Variants in KMT2B observed in about 807,000 individuals in gnomAD.
KMT2B encodes histone-lysine N-methyltransferase 2B.
A neutral mutation model predicts 255.3 loss-of-function variants in KMT2B; 22 were observed. That is an observed-to-expected ratio of 0.09 (90% CI 0.06 to 0.12). The LOEUF (loss-of-function observed/expected upper bound fraction) is 0.12, where lower values mean the gene tolerates loss of function less well. Among genes scored for constraint, KMT2B ranks in the 10% least tolerant of loss-of-function variants. The probability of loss-of-function intolerance (pLI) is 1.00; values close to 1 mark genes in which losing one functional copy is unlikely to be tolerated. For missense variants in KMT2B, 3,149 were observed against 3,737.0 expected (o/e 0.84, Z 4.10); for synonymous variants, 1,730 against 1,498.1 (o/e 1.15, Z -3.57).
At position 35,733,404 on chromosome 19, in the gene KMT2B, C is replaced by T. The variant is rs527742516; in HGVS notation, c.6855C>T (p.Ser2285=). Residue 2285 remains serine (S), a synonymous_variant, in exon 28 of 37, where the codon TCC becomes TCT. Transcript: ENST00000420124. The surrounding 1 kb of genome is among the most constrained non-coding windows in gnomAD (Gnocchi z 4.3). ...GCGTCAAGAGGGTGTCCACTTTCTC[C>T]GGCCGGTCCCCGCCAGCACCTCCCC... is the stretch of plus-strand genomic sequence containing the variant. The part of the protein sequence containing the change: ...AIRVKRVSTF[S]GRSPPAPPPY... The T allele has an allele frequency of 2.8e-5, 43 of 1,550,784 alleles. No homozygotes were observed. In the Admixed American group the frequency reaches 3.3e-4, roughly 12 times the overall value.
rs754415548 is a variant in KMT2B, at chr19:35,733,086, T to G, written c.6537T>G (p.Pro2179=). 3 of 1,566,132 alleles carry G rather than the reference T, an allele frequency of 1.9e-6. No individual in the cohort carries two copies. Among genetic ancestry groups the G allele is most frequent in the Non-Finnish European group, 2.6e-6 (3 of 1,155,432 alleles). The change falls in exon 28 of 37, where the codon CCT becomes CCG. Residue 2179 remains proline (P), a synonymous_variant. Coordinates refer to ENST00000420124, the MANE Select transcript of KMT2B (RefSeq NM_014727.3). The surrounding 1 kb of genome is among the most constrained non-coding windows in gnomAD (Gnocchi z 4.3). ...APGVRVLSLG[P]APEPPKPATS... ...GGGTCCGGGTGTTAAGCCTTGGCCC[T>G]GCCCCTGAGCCCCCCAAACCCGCCA... is the stretch of plus-strand genomic sequence containing the variant.
intron 30 of KMT2B, chr19:35,736,401 G>C: frequency 2.5e-6 from 1 of 407,994 alleles, no homozygotes; most frequent in Non-Finnish European, 4.5e-6. Context: ...CACTGGGTTT[G>C]AGTGAGCCAT....
Position 35,728,116 on chromosome 19 carries a change from G to A in KMT2B, c.4516G>A (p.Gly1506Ser), listed in dbSNP as rs754041894. 2.1e-5 allele frequency: 34 copies of A among 1,599,170 alleles called. No homozygotes were observed. The highest frequency in any genetic ancestry group is 5.1e-5 in the Admixed American group (3 of 58,286). ...TCCCCAGCTGCTAGAATCTGCGTTCGGCTGGTTCGACGCCCACGACCCCAA... is the reference window on the plus strand; with the variant it reads ...TCCCCAGCTGCTAGAATCTGCGTTCAGCTGGTTCGACGCCCACGACCCCAA... ...LLLKLLESAF[G>S]WFDAHDPKYW... The change falls in exon 19 of 37, where the codon GGC becomes AGC. Residue 1506 changes from glycine to serine, a missense_variant. This residue lies in a region of KMT2B where 377 missense variants were observed against 471.0 expected (regional missense o/e 0.80). Coordinates refer to ENST00000420124, the MANE Select transcript of KMT2B (RefSeq NM_014727.3).
Position 35,723,876 on chromosome 19 carries a change from A to T in KMT2B, c.3203A>T (p.Asp1068Val). The T allele has an allele frequency of 6.2e-7, 1 of 1,609,464 alleles. No homozygotes were observed. The highest frequency in any genetic ancestry group is 8.5e-7 in the Non-Finnish European group (1 of 1,178,498). The change falls in exon 8 of 37, where the codon GAC becomes GTC. Residue 1068 changes from aspartate to valine, a missense_variant. By Grantham distance (152) the Asp-to-Val change is radical (BLOSUM62 -3). Transcript: ENST00000420124. The surrounding 1 kb of genome is among the most constrained non-coding windows in gnomAD (Gnocchi z 7.5). ...GCCCACCCAGGGCCCGAGGAGCAGG[A>T]CTCCCTCCTGCAGCGCAAGTCAGCT... ...VVAHPGPEEQ[D>V]SLLQRKSARR...
At position 35,730,445 on chromosome 19, in the gene KMT2B, C is replaced by A; in HGVS notation, c.5180C>A (p.Ala1727Asp). The change falls in exon 24 of 37, where the codon GCC (alanine) becomes GAC (aspartate). Residue 1727 changes from alanine to aspartate, a missense_variant. Around this residue, in one of 18 missense-constraint regions of KMT2B, gnomAD observed 58 missense variants for 96.9 expected, o/e 0.60. Transcript: ENST00000420124. ...TTCTTGACGGGGCTTGAACCCGATG[C>A]CATCAACGTGCTCATTGGTAAGCTG... is the stretch of plus-strand genomic sequence containing the variant. ...RKFLTGLEPDAINVLIGSIRI... is the reference protein window; with the variant it reads ...RKFLTGLEPDDINVLIGSIRI... 4 of 1,613,822 alleles carry A rather than the reference C, an allele frequency of 2.5e-6. No individual in the cohort carries two copies. Among genetic ancestry groups the A allele is most frequent in the Non-Finnish European group, 3.4e-6 (4 of 1,179,712 alleles).
In KMT2B at chr19:35,733,153, G is replaced by A. The variant is rs768396364; in HGVS notation, c.6604G>A (p.Val2202Met). The A allele has an allele frequency of 2.5e-6, 4 of 1,581,028 alleles. No homozygotes were observed. The Admixed American group carries it at 7.1e-5, about 28-fold the overall frequency. ...TGTCAACAAGCTGGGGCAAGTATTT[G>A]TGAAGATGGCTGGGGAGGGTGAACC... is the stretch of plus-strand genomic sequence containing the variant. ...ILVNKLGQVFVKMAGEGEPVP... is the reference protein window; with the variant it reads ...ILVNKLGQVFMKMAGEGEPVP... The change falls in exon 28 of 37, where the codon GTG becomes ATG. Residue 2202 changes from valine (V) to methionine (M), a missense_variant. By Grantham distance (21) the Val-to-Met change is conservative (BLOSUM62 1). This residue lies in a region of KMT2B where 897 missense variants were observed against 825.3 expected (regional missense o/e 1.09). Coordinates refer to ENST00000420124, the MANE Select transcript of KMT2B (RefSeq NM_014727.3). The surrounding 1 kb of genome is among the most constrained non-coding windows in gnomAD (Gnocchi z 4.3).
In KMT2B at chr19:35,733,222, TC is replaced by T; in HGVS notation, c.6678del (p.Thr2227ArgfsTer34). 1 of 1,407,846 alleles carries T rather than the reference TC, an allele frequency of 7.1e-7. No individual in the cohort carries two copies. Among genetic ancestry groups the T allele is most frequent in the Non-Finnish European group, 9.6e-7 (1 of 1,040,356 alleles). The allele number at this position is 1,407,846 out of a possible 1,614,324, so 87.2% of individuals were successfully genotyped here. A position where few individuals can be genotyped will look rare whatever the true frequency, so the allele number is the denominator to read the frequency against. On this transcript the variant is annotated frameshift_variant, in exon 28 of 37. Transcript: ENST00000420124. LOFTEE classifies it high-confidence loss of function. This position sits in a 1 kb window ranked among gnomAD's most constrained non-coding sequence, Gnocchi z 4.3. ...VKQPPLPPTISPTAPTSWTLP... is the reference protein window; with the variant it reads ...VKQPPLPPTIXPTAPTSWTLP... ...GCAGCCACCTTTGCCCCCCACCATT[TC>T]CCCCACGGCTCCCACCTCCTGGACT... is the stretch of plus-strand genomic sequence containing the variant.
At position 35,725,111 on chromosome 19, in the gene KMT2B, C is replaced by T. The variant is rs377274035; in HGVS notation, c.3528+24C>T. On this transcript the variant is annotated intron_variant, in intron 10 of 36. Coordinates refer to ENST00000420124, the MANE Select transcript of KMT2B (RefSeq NM_014727.3). This position sits in a 1 kb window ranked among gnomAD's most constrained non-coding sequence, Gnocchi z 4.1. ...AGGTATGGCATTGAGTGGGGCGAGT[C>T]ACAGAGCCTCTGGTTGGAAGAACCT... 1.4e-5 allele frequency: 22 copies of T among 1,593,728 alleles called. No individual in the cohort carries two copies. The highest frequency in any genetic ancestry group is 1.7e-5 in the Non-Finnish European group (20 of 1,161,650).
At position 35,725,839 on chromosome 19, in the gene KMT2B, A is replaced by G. The variant is rs774259048; in HGVS notation, c.3885+21A>G. 1.7e-5 allele frequency: 27 copies of G among 1,549,224 alleles called. No individual in the cohort carries two copies. Among genetic ancestry groups the G allele is most frequent in the Non-Finnish European group, 8.7e-6 (10 of 1,143,754 alleles). On this transcript the variant is annotated intron_variant, in intron 13 of 36. Transcript: ENST00000420124. The surrounding 1 kb of genome is among the most constrained non-coding windows in gnomAD (Gnocchi z 4.1). ...ACTGGGTGAGAGATGAGGTTCACCCACTTGCTTTGTCTCTAATGAATATCA... is the reference window on the plus strand; with the variant it reads ...ACTGGGTGAGAGATGAGGTTCACCCGCTTGCTTTGTCTCTAATGAATATCA...
rs922037567 is a variant in KMT2B, at chr19:35,719,322, C to T, written c.364-147C>T. On this transcript the variant is annotated intron_variant, in intron 1 of 36. Transcript: ENST00000420124. ...TAGGGAGAGACCCTCTCTTCCACTA[C>T]CCGCGACCTTTGAGTCTTTTTCGTT... The T allele has an allele frequency of 4.7e-6, 3 of 640,618 alleles. No individual in the cohort carries two copies. In the Admixed American group the frequency reaches 9.0e-5, roughly 19 times the overall value. 39.7% of individuals were successfully genotyped at this position (640,618 alleles called of 1,614,324 possible).
In KMT2B at chr19:35,726,224, C is replaced by T. The variant is rs532589433; in HGVS notation, c.3886-12C>T. On this transcript the variant is annotated splice_polypyrimidine_tract_variant and intron_variant, in intron 13 of 36. Coordinates refer to ENST00000420124, the MANE Select transcript of KMT2B (RefSeq NM_014727.3). ...TGCCTGGTTTTCCCCTAACATCGCC[C>T]TGCTCCCCCAGATCTGTTCAGCCTG... The T allele has an allele frequency of 5.0e-6, 8 of 1,607,872 alleles. No individual in the cohort carries two copies. In the South Asian group the frequency reaches 6.6e-5, roughly 13 times the overall value.
rs1318656526 is a variant in KMT2B, at chr19:35,733,734, TC to T, written c.7050-25del. On this transcript the variant is annotated intron_variant, in intron 29 of 36. Coordinates refer to ENST00000420124, the MANE Select transcript of KMT2B (RefSeq NM_014727.3). This position sits in a 1 kb window ranked among gnomAD's most constrained non-coding sequence, Gnocchi z 4.3. ...CTGGAGGGTCTGGGACCTCTGTCCT[TC>T]CCCTTCCTGACAGGTCTCTTCTCGC... The T allele has an allele frequency of 6.2e-7, 1 of 1,609,908 alleles. No individual in the cohort carries two copies. Among genetic ancestry groups the T allele is most frequent in the Non-Finnish European group, 8.5e-7 (1 of 1,177,414 alleles).
chr19:35,723,069 G>C lies in KMT2B; in HGVS notation c.2797G>C (p.Gly933Arg). The C allele has an allele frequency of 6.2e-7, 1 of 1,613,062 alleles. No homozygotes were observed. The highest frequency in any genetic ancestry group is 8.5e-7 in the Non-Finnish European group (1 of 1,179,766). Residue 933 changes from glycine to arginine, a missense_variant, in exon 6 of 37, where the codon GGG becomes CGG. Gly to Arg is a moderately radical substitution (Grantham distance 125, BLOSUM62 -2). Around this residue, in one of 18 missense-constraint regions of KMT2B, gnomAD observed 132 missense variants for 174.7 expected, o/e 0.76. Coordinates refer to ENST00000420124, the MANE Select transcript of KMT2B (RefSeq NM_014727.3). The surrounding 1 kb of genome is among the most constrained non-coding windows in gnomAD (Gnocchi z 7.5). ...RRGKVEAAGP[G>R]GESEPTGSGG... Reference sequence around the variant, plus strand: ...GGGAAAGGTGGAGGCAGCAGGCCCTGGGGGAGAATCAGAGCCCACAGGTTC... The same window carrying C: ...GGGAAAGGTGGAGGCAGCAGGCCCTCGGGGAGAATCAGAGCCCACAGGTTC...
At chr19:35,734,242 G>A (rs1370497524) in intron 30 of KMT2B, among the ~76,000 whole-genome samples, 1 of 152,084 alleles carries the variant, frequency 6.6e-6, no homozygotes, top group African/African-American at 2.4e-5. Context: ...TGAGGGTCAG[G>A]GACAGTGGGA....
At position 35,720,013 on chromosome 19, in the gene KMT2B, GCCC is replaced by G. The variant is rs1388032915; in HGVS notation, c.669_671del (p.Pro224del). The G allele has an allele frequency of 1.2e-6, 2 of 1,612,684 alleles. No individual in the cohort carries two copies. Among genetic ancestry groups the G allele is most frequent in the South Asian group, 2.2e-5 (2 of 90,966 alleles). Reference sequence around the variant, plus strand: ...CCACCCCCCGGCGGTCTCGGGGACGGCCCCCAGGACGGCCAGCAGGCCCCTGCA... The same window carrying G: ...CCACCCCCCGGCGGTCTCGGGGACGGCCAGGACGGCCAGCAGGCCCCTGCA... On this transcript the variant is annotated inframe_deletion, in exon 3 of 37. Coordinates refer to ENST00000420124, the MANE Select transcript of KMT2B (RefSeq NM_014727.3).
Position 35,721,719 on chromosome 19 carries a change from A to T in KMT2B, c.2372A>T (p.Lys791Met). 4 of 1,610,692 alleles carry T rather than the reference A, an allele frequency of 2.5e-6. No homozygotes were observed. Among genetic ancestry groups the T allele is most frequent in the South Asian group, 2.2e-5 (2 of 90,606 alleles). Reference sequence around the variant, plus strand: ...TTGCCGCTGTCTGGGGTAGAGGAGAAGATGTTCAGCCTCCTCAAGAGAGCC... The same window carrying T: ...TTGCCGCTGTCTGGGGTAGAGGAGATGATGTTCAGCCTCCTCAAGAGAGCC... ...GSLPLSGVEE[K>M]MFSLLKRAKV... The change falls in exon 3 of 37, where the codon AAG becomes ATG. Residue 791 changes from lysine (K) to methionine (M), a missense_variant. Lys to Met is a moderately conservative substitution (Grantham distance 95). Coordinates refer to ENST00000420124, the MANE Select transcript of KMT2B (RefSeq NM_014727.3).
Position 35,733,450 on chromosome 19 carries a change from G to C in KMT2B, c.6901G>C (p.Asp2301His), listed in dbSNP as rs758151170. The C allele has an allele frequency of 2.6e-5, 40 of 1,560,110 alleles. No individual in the cohort carries two copies. Among genetic ancestry groups the C allele is most frequent in the Non-Finnish European group, 3.5e-5 (40 of 1,152,426 alleles). Residue 2301 changes from aspartate (D) to histidine (H), a missense_variant, in exon 28 of 37, where the codon GAT becomes CAT. Physicochemically the swap from Asp to His is moderately conservative, Grantham distance 81 (BLOSUM62 -1). This residue lies in a region of KMT2B where 897 missense variants were observed against 825.3 expected (regional missense o/e 1.09). Transcript: ENST00000420124. This position sits in a 1 kb window ranked among gnomAD's most constrained non-coding sequence, Gnocchi z 4.3. ...TCCCCCATACAAAGCCCCCCGGCTG[G>C]ATGAAGATGGAGAGGCCTCAGAGGA... ...APPPYKAPRL[D>H]EDGEASEDTP...
chr19:35,722,419 G>A lies in KMT2B; in HGVS notation c.2518G>A (p.Gly840Ser). Reference protein sequence around the residue: ...AGAVKQISDRGPVRSEDESVE... With the variant: ...AGAVKQISDRSPVRSEDESVE... ...GGCTGTCAAGCAGATCTCCGACAGA[G>A]GCCCTGTCCGGTCTGAAGATGAGTC... The change falls in exon 4 of 37, where the codon GGC (glycine) becomes AGC (serine). Residue 840 changes from glycine to serine, a missense_variant. Coordinates refer to ENST00000420124, the MANE Select transcript of KMT2B (RefSeq NM_014727.3). 2 of 1,610,826 alleles carry A rather than the reference G, an allele frequency of 1.2e-6. No homozygotes were observed. Among genetic ancestry groups the A allele is most frequent in the South Asian group, 2.2e-5 (2 of 91,054 alleles).
intron 18 of KMT2B, 42 bp from the exon 19 acceptor site, chr19:35,728,056 T>G (rs748673236): frequency 1.3e-6 from 2 of 1,566,246 alleles, no homozygotes; most frequent in Non-Finnish European, 8.7e-7. Flanking sequence ...CCAGCTCTCC[T>G]GGGGAAGCTG....
Sources: gnomAD v4.1 joint callset for allele counts (sites outside exome capture counted in the v4.1 genomes callset) on GRCh38, gnomAD v4.1.1 for gene constraint, gnomAD v4.1.1 regional missense constraint, Gnocchi (gnomAD v3.1) non-coding constraint, MANE v1.5 for transcripts, NCBI Gene and HGNC (gene_info 2026-07-23, HGNC 2026-07-21) for gene names.